The following EDA variants were observed in gnomAD, a reference collection of about 807,000 sequenced individuals.
The protein encoded by EDA is ectodysplasin A, also known as ectodysplasin-A.
Under a neutral mutation model 23.6 loss-of-function variants are expected in EDA, and 2 were observed. That is an observed-to-expected ratio of 0.08 (90% CI 0.03 to 0.27). The LOEUF (loss-of-function observed/expected upper bound fraction) is 0.27. Ranked by LOEUF, EDA falls within the 10% of genes least tolerant of loss-of-function variation. EDA has a pLI of 1.00. For synonymous variants in EDA, 131 were observed against 132.0 expected (o/e 0.99, Z 0.05); for missense variants, 229 against 324.2 (o/e 0.71, Z 2.26).
At chrX:69,702,777 C>A (rs2011571717) in intron 1 of EDA, among the ~76,000 whole-genome samples, 1 of 111,212 alleles carries the variant, frequency 9.0e-6, no homozygotes, top group Admixed American at 9.6e-5. Context: ...TAAGGAATTT[C>A]TCCCCATTTT....
At chrX:70,025,038 T>C (rs185427746) in intron 3 of EDA, among the ~76,000 whole-genome samples, 1 of 111,999 alleles carries the variant, frequency 8.9e-6, no homozygotes, top group Non-Finnish European at 1.9e-5. Context: ...TGGGCCCAAC[T>C]TTGTGTAAGT....
intron 1 of EDA, among the ~76,000 whole-genome samples, chrX:69,926,495 A>C (rs2018520227): frequency 8.9e-6 from 1 of 111,767 alleles, no homozygotes; most frequent in Non-Finnish European, 1.9e-5. Flanking sequence ...CCTGAGTCCT[A>C]ATTTGATTGC....
chrX:69,856,191 C>T (rs1302710684), intron 1 of EDA, among the ~76,000 whole-genome samples: 4 of 109,387 alleles, frequency 3.7e-5, no homozygotes, highest in African/African-American at 1.3e-4. Context: ...TGGTCTCCAA[C>T]TCCATCCAGG....
chrX:69,650,161 T>C (rs1452779387), intron 1 of EDA, among the ~76,000 whole-genome samples: 2 of 112,024 alleles, frequency 1.8e-5, no homozygotes, highest in African/African-American at 6.5e-5. Flanking sequence ...TAATAACATC[T>C]TCCGTCTCTC....
At chrX:69,696,099 C>T (rs1229458538) in intron 1 of EDA, among the ~76,000 whole-genome samples, 1 of 110,252 alleles carries the variant, frequency 9.1e-6, no homozygotes, top group Non-Finnish European at 1.9e-5. Flanking sequence ...ATTAGCTGGG[C>T]GTGGTGGCAC....
intron 1 of EDA, among the ~76,000 whole-genome samples, chrX:69,723,046 C>G (rs1019219759): frequency 8.9e-6 from 1 of 111,886 alleles, no homozygotes; most frequent in Non-Finnish European, 1.9e-5. Context: ...ATTGTACAGT[C>G]ATAACTTCAC....
At chrX:69,710,921 A>G (rs1424915238) in intron 1 of EDA, among the ~76,000 whole-genome samples, 14 of 111,804 alleles carry the variant, frequency 1.3e-4, no homozygotes, top group Non-Finnish European at 1.9e-5. Flanking sequence ...CTAGATATAC[A>G]ATCATGTCAT....
At chrX:69,714,795 A>G (rs1226953711) in intron 1 of EDA, among the ~76,000 whole-genome samples, 1 of 111,258 alleles carries the variant, frequency 9.0e-6, no homozygotes, top group Non-Finnish European at 1.9e-5. Flanking sequence ...GTAGCTATAT[A>G]TGTTAAGTGT....
chrX:69,911,820 G>A (rs769209962), intron 1 of EDA, among the ~76,000 whole-genome samples: 82 of 112,321 alleles, frequency 7.3e-4, no homozygotes, highest in African/African-American at 2.5e-3. Flanking sequence ...CTTTTTGCTG[G>A]TGAAGAGTCG....
chrX:69,819,543 T>G (rs1195317345), intron 1 of EDA, among the ~76,000 whole-genome samples: 1 of 111,999 alleles, frequency 8.9e-6, no homozygotes, highest in African/African-American at 3.2e-5. Context: ...GGATATAAAA[T>G]AAATGTACAA....
At chrX:69,809,869 C>T (rs2015902203) in intron 1 of EDA, among the ~76,000 whole-genome samples, 1 of 110,674 alleles carries the variant, frequency 9.0e-6, no homozygotes, top group Admixed American at 9.7e-5. Flanking sequence ...CCCTTTTTAC[C>T]TTTCTTTTGC....
chrX:69,943,586 G>A (rs1470588632), intron 1 of EDA, among the ~76,000 whole-genome samples: 1 of 111,366 alleles, frequency 9.0e-6, no homozygotes, highest in African/African-American at 3.3e-5. Context: ...AAGCACCACT[G>A]TGGCCACCAC....
chrX:69,995,109 A>G (rs2019638481), intron 2 of EDA, among the ~76,000 whole-genome samples: 2 of 112,193 alleles, frequency 1.8e-5, no homozygotes, highest in Non-Finnish European at 3.8e-5. Flanking sequence ...TGTGGAAATC[A>G]TCTTCCTGGA....
chrX:69,854,107 G>A (rs1202627744), intron 1 of EDA, among the ~76,000 whole-genome samples: 1 of 111,212 alleles, frequency 9.0e-6, no homozygotes, highest in Admixed American at 9.6e-5. Flanking sequence ...CAGGTATTAA[G>A]CCTATTACTC....
chrX:69,957,256 C>A, intron 2 of EDA, 124 bp downstream of exon 2: 1 of 624,345 alleles, frequency 1.6e-6, no homozygotes, highest in Non-Finnish European at 2.6e-6. Context: ...CTTTGGGAGG[C>A]CCACGCGGGC....
chrX:69,849,132 CAT>C (rs1441929883), intron 1 of EDA, among the ~76,000 whole-genome samples: 10 of 93,817 alleles, frequency 1.1e-4, no homozygotes, highest in Non-Finnish European at 2.1e-4. Context: ...CACACACACA[CAT>C]ACATATTATT....
intron 1 of EDA, among the ~76,000 whole-genome samples, chrX:69,900,628 A>G (rs2018084736): frequency 9.1e-6 from 1 of 110,206 alleles, no homozygotes; most frequent in Admixed American, 9.7e-5. Flanking sequence ...TCTGTATGGC[A>G]GTTGTATATT....
chrX:69,910,196 C>T (rs1294592002), intron 1 of EDA, among the ~76,000 whole-genome samples: 2 of 109,120 alleles, frequency 1.8e-5, no homozygotes, highest in African/African-American at 6.7e-5. Context: ...GGTCTTGCTA[C>T]GTTGCCCAGG....
chrX:69,931,445 G>A (rs2018597139), intron 1 of EDA, among the ~76,000 whole-genome samples: 1 of 111,634 alleles, frequency 9.0e-6, no homozygotes, highest in African/African-American at 3.3e-5. Context: ...TACTTGGGAG[G>A]CTGAGGTAAC....
Sources: gnomAD v4.1 joint callset for allele counts (sites outside exome capture counted in the v4.1 genomes callset) on GRCh38, gnomAD v4.1.1 for gene constraint, MANE v1.5 for transcripts, NCBI Gene and HGNC (gene_info 2026-07-23, HGNC 2026-07-21) for gene names.